RLN2: variants seen among roughly 807,000 people sequenced by gnomAD.
RLN2 encodes the protein relaxin 2.
RLN2 carries 10 observed loss-of-function variants against 7.3 expected under a neutral mutation model. The observed-to-expected ratio is 1.36, with a 90% confidence interval of 0.84 to 2.31. The LOEUF (loss-of-function observed/expected upper bound fraction) is 2.31, where lower values mean the gene tolerates loss of function less well. Ranked by LOEUF, RLN2 falls within the 30% of genes most tolerant of loss-of-function variation. RLN2 has a pLI of 0.00. For missense variants in RLN2, 298 were observed against 217.6 expected, an observed-to-expected ratio of 1.37 and a Z score of -2.32; for synonymous variants, 103 against 82.3, an observed-to-expected ratio of 1.25 and a Z score of -1.36.
the RLN2 span, among the ~76,000 whole-genome samples, chr9:5,323,139 T>C: frequency 6.6e-6 from 1 of 151,782 alleles, no homozygotes; most frequent in African/African-American, 2.4e-5. Context: ...CCACAATTCA[T>C]CTCTACCACT....
upstream of RLN2, chr9:5,304,765 C>A: frequency 1.6e-6 from 1 of 624,748 alleles, no homozygotes; most frequent in South Asian, 2.0e-5. Context: ...GCCAGCTCCA[C>A]CCCTTTCCCA....
the RLN2 span, among the ~76,000 whole-genome samples, chr9:5,322,354 C>T: frequency 6.6e-6 from 1 of 151,892 alleles, no homozygotes; most frequent in East Asian, 1.9e-4. Flanking sequence ...ATGCCAGGGA[C>T]CCTCCAGAAG....
At chr9:5,327,944 C>T in the RLN2 span, among the ~76,000 whole-genome samples, 1 of 151,936 alleles carries the variant, frequency 6.6e-6, no homozygotes, top group Non-Finnish European at 1.5e-5. Flanking sequence ...GATAAAACCG[C>T]AAAGATAGGG....
the RLN2 span, among the ~76,000 whole-genome samples, chr9:5,333,536 T>C: frequency 7.2e-5 from 11 of 152,076 alleles, no homozygotes; most frequent in South Asian, 2.1e-4. Context: ...AACAGCCTAC[T>C]AACCAAAAAC....
the RLN2 span, among the ~76,000 whole-genome samples, chr9:5,317,451 T>TA: frequency 0.36 from 51,015 of 141,676 alleles, 9,237 homozygotes; most frequent in African/African-American, 0.44. Context: ...GACTCTGTCT[T>TA]AAAAAAAAAA....
At chr9:5,302,054 C>T (rs1816158055) in intron 1 of RLN2, among the ~76,000 whole-genome samples, 13 of 152,132 alleles carry the variant, frequency 8.5e-5, no homozygotes, top group Admixed American at 8.5e-4. Context: ...TTATTAAATA[C>T]TGAAAGAAGC....
chr9:5,326,870 A>G, the RLN2 span, among the ~76,000 whole-genome samples: 1 of 152,050 alleles, frequency 6.6e-6, no homozygotes, highest in African/African-American at 2.4e-5. Flanking sequence ...GACAAGAAAA[A>G]ATTGATAACA....
the RLN2 span, among the ~76,000 whole-genome samples, chr9:5,330,908 A>G: frequency 1.3e-5 from 2 of 151,904 alleles, no homozygotes; most frequent in Non-Finnish European, 2.9e-5. Flanking sequence ...AAAAATGATA[A>G]AGGGGGTATC....
the RLN2 span, among the ~76,000 whole-genome samples, chr9:5,323,381 T>C: frequency 1.3e-5 from 2 of 151,976 alleles, no homozygotes; most frequent in African/African-American, 4.8e-5. Flanking sequence ...CTACAGTAGT[T>C]TTTCTCCTAA....
the RLN2 span, among the ~76,000 whole-genome samples, chr9:5,318,908 G>A: frequency 6.6e-6 from 1 of 151,800 alleles, no homozygotes; most frequent in Non-Finnish European, 1.5e-5. Flanking sequence ...TTTAAGATTG[G>A]CAATAAGAAA....
chr9:5,300,510 T>G, intron 1 of RLN2, 66 bp from the exon 2 acceptor site: 2 of 1,079,812 alleles, frequency 1.9e-6, no homozygotes, highest in South Asian at 3.1e-5. Flanking sequence ...TCAGAAAAAC[T>G]ATGAATGTTT....
At chr9:5,315,379 T>C in the RLN2 span, among the ~76,000 whole-genome samples, 1 of 149,682 alleles carries the variant, frequency 6.7e-6, no homozygotes, top group Non-Finnish European at 1.5e-5. Context: ...CATTTGAAGA[T>C]AGGTCTTATG....
chr9:5,332,768 A>G, the RLN2 span, among the ~76,000 whole-genome samples: 2 of 151,882 alleles, frequency 1.3e-5, no homozygotes, highest in East Asian at 3.9e-4. Flanking sequence ...GGCGCACACC[A>G]CCACTCCTGG....
chr9:5,329,297 G>A, the RLN2 span, among the ~76,000 whole-genome samples: 9 of 117,198 alleles, frequency 7.7e-5, no homozygotes, highest in Admixed American at 2.1e-4. Flanking sequence ...GCGACAGAGC[G>A]AGACTCCATC....
chr9:5,320,481 C>G, the RLN2 span, among the ~76,000 whole-genome samples: 1 of 151,886 alleles, frequency 6.6e-6, no homozygotes, highest in Non-Finnish European at 1.5e-5. Flanking sequence ...AGTGATTCTC[C>G]TGCCTCAGCC....
At chr9:5,312,487 T>C in the RLN2 span, among the ~76,000 whole-genome samples, 1 of 152,122 alleles carries the variant, frequency 6.6e-6, no homozygotes, top group Non-Finnish European at 1.5e-5. Flanking sequence ...GAAAAGTTGT[T>C]AAACAACATG....
At chr9:5,336,181 C>T in the RLN2 span, among the ~76,000 whole-genome samples, 1 of 152,052 alleles carries the variant, frequency 6.6e-6, no homozygotes, top group Non-Finnish European at 1.5e-5. Context: ...ATCTATTTAA[C>T]AATTTGTCTT....
At chr9:5,327,780 T>C in the RLN2 span, among the ~76,000 whole-genome samples, 1 of 151,838 alleles carries the variant, frequency 6.6e-6, no homozygotes, top group African/African-American at 2.4e-5. Context: ...GGTTCTAGAG[T>C]GGACTTCTGG....
At chr9:5,312,532 T>C in the RLN2 span, among the ~76,000 whole-genome samples, 1 of 152,078 alleles carries the variant, frequency 6.6e-6, no homozygotes, top group African/African-American at 2.4e-5. Flanking sequence ...CTTTAAACTT[T>C]CCCTGTTCAG....
Sources: allele counts gnomAD v4.1 joint callset (sites outside exome capture counted in the v4.1 genomes callset), GRCh38; gene constraint gnomAD v4.1.1; transcripts MANE v1.5; gene names NCBI Gene and HGNC (gene_info 2026-07-23, HGNC 2026-07-21).